The following CACNA1D variants were observed in gnomAD, a reference collection of about 807,000 sequenced individuals.
CACNA1D encodes calcium voltage-gated channel subunit alpha1 D.
CACNA1D carries 55 observed loss-of-function variants against 257.1 expected under a neutral mutation model. The observed-to-expected ratio is 0.21, with a 90% CI of 0.17 to 0.27. CACNA1D has a LOEUF of 0.27. CACNA1D is among the 10% of genes least tolerant of loss of function. The probability of loss-of-function intolerance (pLI) is 1.00; values close to 1 mark genes in which losing one functional copy is unlikely to be tolerated. For synonymous variants in CACNA1D, 980 were observed against 1,014.9 expected (o/e 0.97, Z 0.65); for missense variants, 1,876 against 2,784.0 (o/e 0.67, Z 7.34).
intron 9 of CACNA1D, among the ~76,000 whole-genome samples, chr3:53,716,145 A>G (rs1055572017): frequency 6.6e-6 from 1 of 152,348 alleles, no homozygotes; most frequent in East Asian, 1.9e-4. Flanking sequence ...TACATGATCA[A>G]TATTAGAACT....
At chr3:53,504,253 C>T (rs1225643793) in intron 3 of CACNA1D, among the ~76,000 whole-genome samples, 1 of 149,690 alleles carries the variant, frequency 6.7e-6, no homozygotes, top group Admixed American at 6.8e-5. Flanking sequence ...TGCTGGTTTT[C>T]TTTGCCTGAT....
chr3:53,520,846 ACTC>A (rs2091526476), intron 3 of CACNA1D, among the ~76,000 whole-genome samples: 1 of 119,258 alleles, frequency 8.4e-6, no homozygotes, highest in Non-Finnish European at 1.9e-5. Context: ...TGATTTGCAA[ACTC>A]CTTTCTTTCT....
intron 3 of CACNA1D, among the ~76,000 whole-genome samples, chr3:53,549,697 C>T (rs2109182): frequency 0.096 from 14,668 of 152,214 alleles, 1,807 homozygotes; most frequent in African/African-American, 0.28. Flanking sequence ...AAGGGTATTA[C>T]ACTTGCTCAT....
At chr3:53,550,262 C>G (rs2107577425) in intron 3 of CACNA1D, among the ~76,000 whole-genome samples, 1 of 152,258 alleles carries the variant, frequency 6.6e-6, no homozygotes. Context: ...AGATACAGCA[C>G]CTGGATCAGG....
intron 8 of CACNA1D, among the ~76,000 whole-genome samples, chr3:53,696,569 A>AG (rs1380149472): frequency 6.6e-6 from 1 of 152,158 alleles, no homozygotes; most frequent in African/African-American, 2.4e-5. Flanking sequence ...GTGCTCAATG[A>AG]GTAGAGTTTT....
intron 10 of CACNA1D, among the ~76,000 whole-genome samples, chr3:53,719,090 G>T (rs2094854566): frequency 1.3e-5 from 2 of 152,204 alleles, no homozygotes; most frequent in South Asian, 4.1e-4. Flanking sequence ...GGGGAGCCCT[G>T]TGCGGTTTGG....
At chr3:53,710,920 C>G (rs1328933115) in intron 9 of CACNA1D, among the ~76,000 whole-genome samples, 1 of 152,102 alleles carries the variant, frequency 6.6e-6, no homozygotes, top group Non-Finnish European at 1.5e-5. Flanking sequence ...TATGCCAAAG[C>G]TAGTAGTGGC....
rs976539031 is a variant in CACNA1D at position 53,774,363 on chromosome 3, G to A, written c.4111-224G>A. The A allele has an allele frequency of 3.5e-5, 19 of 535,880 alleles. No individual in the cohort carries two copies. Among genetic ancestry groups the A allele is most frequent in the South Asian group, 8.1e-5 (4 of 49,616 alleles). 33.2% of individuals were successfully genotyped at this position (535,880 alleles called of 1,614,324 possible). A position where few individuals can be genotyped will look rare whatever the true frequency, so the allele number is the denominator to read the frequency against. On this transcript the variant is annotated intron_variant, in intron 33 of 47. Transcript: ENST00000350061. The surrounding 1 kb of genome is among the most constrained non-coding windows in gnomAD (Gnocchi z 4.3). Reference sequence around the variant, plus strand: ...TGTGTCTCCCCCAGGGGAGATCCGCGAATGTGAGACCGTGCCCCTCTGGAG... The same window carrying A: ...TGTGTCTCCCCCAGGGGAGATCCGCAAATGTGAGACCGTGCCCCTCTGGAG...
At chr3:53,657,883 A>C (rs1264184247) in intron 4 of CACNA1D, among the ~76,000 whole-genome samples, 1 of 152,264 alleles carries the variant, frequency 6.6e-6, no homozygotes, top group Non-Finnish European at 1.5e-5. Flanking sequence ...TAATGTGACC[A>C]CAAGAGGACT....
At chr3:53,499,274 G>T (rs2090481332) in intron 2 of CACNA1D, among the ~76,000 whole-genome samples, 1 of 152,102 alleles carries the variant, frequency 6.6e-6, no homozygotes, top group African/African-American at 2.4e-5. Context: ...TTACAAATGG[G>T]ACAGTTTGTA....
Position 53,502,468 on chromosome 3 carries a change from AT to A in CACNA1D, c.483+762del, listed in dbSNP as rs562089802. On this transcript the variant is annotated intron_variant, in intron 3 of 47. Transcript: ENST00000350061. ...GTAATCAGTCATGAATTCTTTAAAC[AT>A]TTTTTTTTTTTTTGGCAAAAGACTT... Among the ~76,000 whole-genome samples the A allele has an allele frequency of 8.6e-3, 1,200 of 140,070 alleles. 2 individuals are homozygous for A. The highest frequency in any genetic ancestry group is 0.015 in the African/African-American group (568 of 38,088). 91.9% of individuals were successfully genotyped at this position (140,070 alleles called of 152,430 possible).
Position 53,673,551 on chromosome 3 carries a change from C to T in CACNA1D, c.1220+425C>T, listed in dbSNP as rs1218165622. On this transcript the variant is annotated intron_variant, in intron 8 of 47. Transcript: ENST00000350061. The surrounding 1 kb of genome is among the most constrained non-coding windows in gnomAD (Gnocchi z 4.1). ...TGTAGATTTCAGCCGCTGAGCTTGTCCTTATTTGCAGAAAAAAAAAAAAAA... is the reference window on the plus strand; with the variant it reads ...TGTAGATTTCAGCCGCTGAGCTTGTTCTTATTTGCAGAAAAAAAAAAAAAA... Among the ~76,000 whole-genome samples the T allele has an allele frequency of 7.9e-6, 1 of 127,014 alleles. No homozygotes were observed. The highest frequency in any genetic ancestry group is 1.6e-5 in the Non-Finnish European group (1 of 63,016). The allele number at this position is 127,014 out of a possible 152,430, so 83.3% of individuals were successfully genotyped here.
intron 47 of CACNA1D, 94 bp downstream of exon 47, chr3:53,810,392 C>T: frequency 7.9e-7 from 1 of 1,264,434 alleles, no homozygotes; most frequent in South Asian, 1.2e-5. Flanking sequence ...GGAGGGCGGC[C>T]AGGCTGTGAG....
At chr3:53,545,492 G>A (rs1037525847) in intron 3 of CACNA1D, among the ~76,000 whole-genome samples, 1 of 152,196 alleles carries the variant, frequency 6.6e-6, no homozygotes, top group African/African-American at 2.4e-5. Context: ...TTAGAGGAGC[G>A]GGGTGAGGAT....
chr3:53,555,947 C>T (rs779106014), intron 3 of CACNA1D, among the ~76,000 whole-genome samples: 56 of 152,110 alleles, frequency 3.7e-4, no homozygotes, highest in Non-Finnish European at 6.8e-4. Context: ...GTTTTGTCCC[C>T]CGCAAAACTT....
chr3:53,593,216 G>C (rs1382818897), intron 3 of CACNA1D, among the ~76,000 whole-genome samples: 2 of 152,136 alleles, frequency 1.3e-5, no homozygotes, highest in Admixed American at 6.5e-5. Context: ...AGGTAGATAA[G>C]GGCAAGAGAT....
intron 20 of CACNA1D, among the ~76,000 whole-genome samples, chr3:53,736,176 C>CA (rs1330695925): frequency 1.3e-5 from 2 of 151,524 alleles, no homozygotes; most frequent in Non-Finnish European, 2.9e-5. Flanking sequence ...CTAATCTGTA[C>CA]AAAAAATAAA....
chr3:53,689,806 A>G (rs991289977), intron 8 of CACNA1D, among the ~76,000 whole-genome samples: 9 of 152,070 alleles, frequency 5.9e-5, no homozygotes, highest in Non-Finnish European at 1.3e-4. Context: ...CTACAGGCAT[A>G]TGCCACCATG....
rs764079416 is a variant in CACNA1D at position 53,754,783 on chromosome 3, C to T, written c.3786+1101C>T. On this transcript the variant is annotated intron_variant, in intron 29 of 47. Coordinates refer to ENST00000350061, the MANE Select transcript of CACNA1D (RefSeq NM_001128840.3). ...AGTTATCTCTGTGTAAGGTATCTGA[C>T]GACACTGATTTAATTAAGTTAGGCA... 7.2e-5 allele frequency among the ~76,000 whole-genome samples: 11 copies of T among 152,168 alleles called. No individual in the cohort carries two copies. The South Asian group carries it at 8.3e-4, about 11-fold the overall frequency.
Sources: allele counts gnomAD v4.1 joint callset (sites outside exome capture counted in the v4.1 genomes callset), GRCh38; gene constraint gnomAD v4.1.1; non-coding constraint Gnocchi (gnomAD v3.1); transcripts MANE v1.5; gene names NCBI Gene and HGNC (gene_info 2026-07-23, HGNC 2026-07-21).